Variants in SMCHD1 observed in about 807,000 individuals in gnomAD.
SMCHD1 encodes the protein structural maintenance of chromosomes flexible hinge domain containing 1, also known as structural maintenance of chromosomes flexible hinge domain-containing protein 1.
SMCHD1 carries 78 observed loss-of-function variants against 254.7 expected under a neutral mutation model. The observed-to-expected ratio is 0.31, with a 90% confidence interval of 0.26 to 0.37. The LOEUF (loss-of-function observed/expected upper bound fraction) is 0.37, where lower values mean the gene tolerates loss of function less well. Ranked by LOEUF, SMCHD1 falls within the 10% of genes least tolerant of loss-of-function variation. The pLI is 1.00. For synonymous variants in SMCHD1, 766 were observed against 794.9 expected, an observed-to-expected ratio of 0.96 and a Z score of 0.61; for missense variants, 1,840 against 2,408.1, an observed-to-expected ratio of 0.76 and a Z score of 4.94.
intron 29 of SMCHD1, among the ~76,000 whole-genome samples, chr18:2,747,108 TTGC>T (rs769288937): frequency 6.6e-6 from 1 of 152,264 alleles, no homozygotes; most frequent in Non-Finnish European, 1.5e-5. Flanking sequence ...TAGGTTTCTG[TTGC>T]TGTTGAACAC....
At position 2,796,478 on chromosome 18, in the gene SMCHD1, G is replaced by T. The variant is rs1363642198; in HGVS notation, c.5950G>T (p.Val1984Phe). 1.9e-6 allele frequency: 3 copies of T among 1,604,704 alleles called. No homozygotes were observed. The highest frequency in any genetic ancestry group is 2.6e-6 in the Non-Finnish European group (3 of 1,175,484). ...AAAGGTTGAGACGACAGATTGTCCA[G>T]TTCCTCCTAAAAGAATGAGACGAGA... ...SPKVETTDCP[V>F]PPKRMRREAT... Residue 1984 changes from valine (V) to phenylalanine (F), a missense_variant, in exon 47 of 48, where the codon GTT (valine) becomes TTT (phenylalanine). Val to Phe is a conservative substitution (Grantham distance 50). Coordinates refer to ENST00000320876, the MANE Select transcript of SMCHD1 (RefSeq NM_015295.3).
At chr18:2,749,292 C>G (rs1287990964) in intron 30 of SMCHD1, among the ~76,000 whole-genome samples, 2 of 152,262 alleles carry the variant, frequency 1.3e-5, no homozygotes, top group African/African-American at 2.4e-5. Context: ...ATTACCTACT[C>G]TTTAGGTTCT....
rs543802886 is a variant in SMCHD1 at position 2,685,249 on chromosome 18, G to A, written c.639-3145G>A. Among the ~76,000 whole-genome samples, 161 of 151,614 alleles carry A rather than the reference G, an allele frequency of 1.1e-3. 1 individual carries two copies. The highest frequency in any genetic ancestry group is 3.7e-3 in the African/African-American group (154 of 41,350). The stretch of plus-strand genomic sequence containing the variant: ...CGAGTAGCTGGGACTACAGGCGCCC[G>A]CCACCACGCCCGGCTAATTTTTTGT... On this transcript the variant is annotated intron_variant, in intron 5 of 47. Coordinates refer to ENST00000320876, the MANE Select transcript of SMCHD1 (RefSeq NM_015295.3).
chr18:2,673,059 A>G (rs1184234574), intron 3 of SMCHD1: 1 of 985,158 alleles, frequency 1.0e-6, no homozygotes, highest in African/African-American at 1.7e-5. Context: ...TGGCTGACTC[A>G]TGCTGTATAG....
At chr18:2,728,701 G>A (rs1239530408) in intron 23 of SMCHD1, 105 bp downstream of exon 23, 3 of 1,202,974 alleles carry the variant, frequency 2.5e-6, no homozygotes, top group South Asian at 1.8e-5. Context: ...AGTCTGAAAC[G>A]ATTATTCCGT....
In SMCHD1 at chr18:2,708,907, T is replaced by TATATATATATATATATATATAAA. The variant is rs769432583; in HGVS notation, c.2260+988_2260+989insTATATATATATATATATATAAAA. Among the ~76,000 whole-genome samples the TATATATATATATATATATATAAA allele has an allele frequency of 6.7e-4, 30 of 44,702 alleles. 4 individuals carry two copies. Among genetic ancestry groups the TATATATATATATATATATATAAA allele is most frequent in the African/African-American group, 2.4e-3 (28 of 11,890 alleles). 29.3% of individuals were successfully genotyped at this position (44,702 alleles called of 152,430 possible). A position where few individuals can be genotyped will look rare whatever the true frequency, so the allele number is the denominator to read the frequency against. On this transcript the variant is annotated intron_variant, in intron 17 of 47. Transcript: ENST00000320876. The stretch of plus-strand genomic sequence containing the variant: ...ATATATATATATATATATATATATA[T>TATATATATATATATATATATAAA]AACATATTAACATGAAATTTATGAA...
In SMCHD1 at chr18:2,735,259, G is replaced by A. The variant is rs189764713; in HGVS notation, c.3276+2767G>A. Among the ~76,000 whole-genome samples the A allele has an allele frequency of 1.2e-3, 188 of 152,178 alleles. No homozygotes were observed. In the Middle Eastern group the frequency reaches 0.02, roughly 17 times the overall value. ...AATCCAACATCCCTTAGTGATAAAAGCCATCACTGGACATTGAAGAACACA... is the reference window on the plus strand; with the variant it reads ...AATCCAACATCCCTTAGTGATAAAAACCATCACTGGACATTGAAGAACACA... On this transcript the variant is annotated intron_variant, in intron 25 of 47. Coordinates refer to ENST00000320876, the MANE Select transcript of SMCHD1 (RefSeq NM_015295.3).
chr18:2,753,075 G>A (rs986679577), intron 34 of SMCHD1: 11 of 159,118 alleles, frequency 6.9e-5, no homozygotes, highest in African/African-American at 1.4e-4. Flanking sequence ...AGTTATTACC[G>A]TCTTCCTTCC....
chr18:2,719,643 A>G (rs569741069), intron 19 of SMCHD1, among the ~76,000 whole-genome samples: 1 of 148,076 alleles, frequency 6.8e-6, no homozygotes, highest in African/African-American at 2.5e-5. Flanking sequence ...CCCAGGCTGG[A>G]GTGCAGTGGT....
At chr18:2,733,091 T>C (rs149547132) in intron 25 of SMCHD1, among the ~76,000 whole-genome samples, 22 of 152,364 alleles carry the variant, frequency 1.4e-4, no homozygotes, top group African/African-American at 5.3e-4. Context: ...TTAAGTCTTA[T>C]TACATAAAGT....
intron 5 of SMCHD1, among the ~76,000 whole-genome samples, chr18:2,686,118 C>CA (rs2074045776): frequency 6.6e-6 from 1 of 152,002 alleles, no homozygotes; most frequent in Non-Finnish European, 1.5e-5. Context: ...GTCTGATAGG[C>CA]TCTCTCTCTT....
chr18:2,707,344 TC>T (rs1244789753), intron 15 of SMCHD1: 43 of 322,492 alleles, frequency 1.3e-4, no homozygotes, highest in African/African-American at 6.6e-4. Flanking sequence ...GGCTTTTAAT[TC>T]CAAAAGGTTT....
chr18:2,759,170 T>C (rs2075735664), intron 34 of SMCHD1, among the ~76,000 whole-genome samples: 1 of 152,182 alleles, frequency 6.6e-6, no homozygotes, highest in Non-Finnish European at 1.5e-5. Context: ...TCTAGTATTG[T>C]TGTACTAGAC....
intron 3 of SMCHD1, among the ~76,000 whole-genome samples, chr18:2,670,815 C>T (rs60882945): frequency 0.19 from 27,851 of 149,892 alleles, 2,829 homozygotes; most frequent in South Asian, 0.27. Flanking sequence ...GCAGGAGAAT[C>T]GCTTGAACCT....
intron 5 of SMCHD1, among the ~76,000 whole-genome samples, chr18:2,687,122 A>G (rs921092946): frequency 1.1e-4 from 16 of 152,186 alleles, no homozygotes; most frequent in Admixed American, 9.8e-4. Context: ...CCTTCCTGAA[A>G]TGACACTTTT....
chr18:2,767,868 G>A (rs901662254), intron 37 of SMCHD1, among the ~76,000 whole-genome samples: 1 of 151,900 alleles, frequency 6.6e-6, no homozygotes, highest in African/African-American at 2.4e-5. Context: ...GGGATTGTAG[G>A]CATGAGCCAC....
At chr18:2,784,780 T>A in intron 45 of SMCHD1, 159 bp downstream of exon 45, 1 of 779,286 alleles carries the variant, frequency 1.3e-6, no homozygotes, top group Admixed American at 2.1e-5. Flanking sequence ...AGCTTTTTTA[T>A]ATCAGGTAGT....
chr18:2,711,889 A>G (rs561971378), intron 17 of SMCHD1, among the ~76,000 whole-genome samples: 7 of 152,188 alleles, frequency 4.6e-5, no homozygotes, highest in African/African-American at 1.2e-4. Flanking sequence ...TTCTTGCTCT[A>G]TTATTTCCCA....
chr18:2,796,166 TGAG>T lies in SMCHD1; in HGVS notation c.5878+60_5878+62del, dbSNP rs2076260388. On this transcript the variant is annotated intron_variant, in intron 46 of 47. Coordinates refer to ENST00000320876, the MANE Select transcript of SMCHD1 (RefSeq NM_015295.3). Reference sequence around the variant, plus strand: ...TTTATATGGAGATAAATATTTATGATGAGAGAGAATCCAACCGTAAGAAAAAAG... The same window carrying T: ...TTTATATGGAGATAAATATTTATGATAGAGAATCCAACCGTAAGAAAAAAG... 5 of 1,346,902 alleles carry T rather than the reference TGAG, an allele frequency of 3.7e-6. No individual in the cohort carries two copies. The Middle Eastern group carries it at 7.1e-4, about 190-fold the overall frequency. The allele number at this position is 1,346,902 out of a possible 1,614,324, so 83.4% of individuals were successfully genotyped here. A position where few individuals can be genotyped will look rare whatever the true frequency, so the allele number is the denominator to read the frequency against.
Sources: allele counts gnomAD v4.1 joint callset (sites outside exome capture counted in the v4.1 genomes callset), GRCh38; gene constraint gnomAD v4.1.1; transcripts MANE v1.5; gene names NCBI Gene and HGNC (gene_info 2026-07-23, HGNC 2026-07-21).